MR1: variants seen among roughly 807,000 people sequenced by gnomAD.
MR1 encodes the protein major histocompatibility complex class I-related protein 1.
Under a neutral mutation model 37.8 loss-of-function variants are expected in MR1, and 44 were observed. That is an observed-to-expected ratio of 1.16 (90% CI 0.91 to 1.50). The LOEUF (loss-of-function observed/expected upper bound fraction) is 1.50, where lower values mean the gene tolerates loss of function less well. Ranked by LOEUF, MR1 falls within the 40% of genes most tolerant of loss-of-function variation. MR1 has a pLI of 0.00. For synonymous variants in MR1, 153 were observed against 155.8 expected, an observed-to-expected ratio of 0.98 and a Z score of 0.13; for missense variants, 386 against 419.1, an observed-to-expected ratio of 0.92 and a Z score of 0.69.
In MR1 at chr1:181,052,250, G is replaced by A. The variant is rs779470788; in HGVS notation, c.620G>A (p.Arg207Lys). The A allele has an allele frequency of 1.2e-6, 2 of 1,614,160 alleles. No homozygotes were observed. Among genetic ancestry groups the A allele is most frequent in the Admixed American group, 3.3e-5 (2 of 60,026 alleles). Residue 207 changes from arginine (R) to lysine (K), a missense_variant, in exon 4 of 6, where the codon AGA (arginine) becomes AAA (lysine). Arg to Lys is a conservative substitution (Grantham distance 26). Coordinates refer to ENST00000367580, the MANE Select transcript of MR1 (RefSeq NM_001385161.1). ...TLQRTEPPLVRVNRKETFPGV... is the reference protein window; with the variant it reads ...TLQRTEPPLVKVNRKETFPGV... ...TTCTTCCTAGAGCCCCCACTGGTCA[G>A]AGTAAATCGCAAAGAAACTTTTCCA...
intron 1 of MR1, among the ~76,000 whole-genome samples, chr1:181,041,959 G>T (rs1657576406): frequency 6.6e-6 from 1 of 152,194 alleles, no homozygotes; most frequent in Admixed American, 6.5e-5. Context: ...TGGCACAGAA[G>T]AAGCATTGGA....
At chr1:181,049,491 C>G (rs1658161534) in intron 2 of MR1, 179 bp downstream of exon 2, 8 of 701,616 alleles carry the variant, frequency 1.1e-5, no homozygotes, top group Middle Eastern at 4.0e-4. Context: ...TGGACTGTCC[C>G]TCTCTCCCCC....
intron 1 of MR1, among the ~76,000 whole-genome samples, chr1:181,041,119 A>G (rs993899688): frequency 1.4e-5 from 2 of 142,922 alleles, no homozygotes; most frequent in Non-Finnish European, 3.0e-5. Flanking sequence ...AAATAAATAA[A>G]TAAAGCACAA....
intron 1 of MR1, among the ~76,000 whole-genome samples, chr1:181,040,172 T>G (rs1015153989): frequency 6.6e-6 from 1 of 152,172 alleles, no homozygotes; most frequent in Non-Finnish European, 1.5e-5. Context: ...AATTCTAAAT[T>G]GTATATTTCA....
At chr1:181,037,070 A>T (rs1230694977) in intron 1 of MR1, 1 of 152,230 alleles carries the variant, frequency 6.6e-6, no homozygotes, top group Non-Finnish European at 1.5e-5. Flanking sequence ...TTTCTCATGC[A>T]TTGCCATATG....
chr1:181,055,364 C>A lies in MR1; in HGVS notation c.*99C>A. ...TAGTGCTTGAAGGTCCTGACGACAC[C>A]CACAACATACATGAGAGTAATGGGA... On this transcript the variant is annotated 3_prime_UTR_variant, in exon 6 of 6. Coordinates refer to ENST00000367580, the MANE Select transcript of MR1 (RefSeq NM_001385161.1). The A allele has an allele frequency of 9.7e-7, 1 of 1,034,088 alleles. No individual in the cohort carries two copies. The highest frequency in any genetic ancestry group is 1.6e-5 in the African/African-American group (1 of 62,432). The allele number at this position is 1,034,088 out of a possible 1,614,324, so 64.1% of individuals were successfully genotyped here. A position where few individuals can be genotyped will look rare whatever the true frequency, so the allele number is the denominator to read the frequency against.
chr1:181,048,328 G>A (rs556743541), intron 1 of MR1, among the ~76,000 whole-genome samples: 2 of 152,224 alleles, frequency 1.3e-5, no homozygotes, highest in Admixed American at 1.3e-4. Context: ...GAGGTCAGGA[G>A]TTTGAGACCA....
intron 2 of MR1, 34 bp downstream of exon 2, chr1:181,049,346 T>A: frequency 6.3e-7 from 1 of 1,591,660 alleles, no homozygotes; most frequent in Non-Finnish European, 8.6e-7. Flanking sequence ...GCTTCCCCCA[T>A]CCCACCCCAA....
At chr1:181,045,708 C>T (rs930729915) in intron 1 of MR1, among the ~76,000 whole-genome samples, 4 of 152,220 alleles carry the variant, frequency 2.6e-5, no homozygotes, top group Admixed American at 6.5e-5. Context: ...TTGGCGCCTC[C>T]GCTGCCTGGG....
At chr1:181,044,166 T>C (rs886941241) in intron 1 of MR1, among the ~76,000 whole-genome samples, 1 of 152,108 alleles carries the variant, frequency 6.6e-6, no homozygotes, top group Non-Finnish European at 1.5e-5. Flanking sequence ...GGTTTCACCA[T>C]GTTAGCCAGG....
intron 1 of MR1, among the ~76,000 whole-genome samples, chr1:181,046,067 C>T (rs1001490038): frequency 8.5e-5 from 13 of 152,228 alleles, no homozygotes; most frequent in Non-Finnish European, 1.3e-4. Context: ...TGCCTTCCTG[C>T]GGGGCAGGGC....
At position 181,060,825 on chromosome 1, in the gene MR1, A is replaced by C. The variant is rs1658865635; in HGVS notation, c.*5560A>C. ...ATGCCTGCCTGGCTGGTTCTCAGTA[A>C]GAAGGTCAAGTTCAACCAGAGGGGA... On this transcript the variant is annotated 3_prime_UTR_variant, in exon 6 of 6. Coordinates refer to ENST00000367580, the MANE Select transcript of MR1 (RefSeq NM_001385161.1). 6.6e-6 allele frequency: 1 copy of C among 152,254 alleles called. No individual in the cohort carries two copies. The highest frequency in any genetic ancestry group is 2.1e-4 in the South Asian group (1 of 4,828). 9.4% of individuals were successfully genotyped at this position (152,254 alleles called of 1,614,324 possible).
chr1:181,061,707 G>A lies in MR1; in HGVS notation c.*6442G>A, dbSNP rs1658908286. The A allele has an allele frequency of 6.6e-6, 1 of 152,236 alleles. No individual in the cohort carries two copies. The highest frequency in any genetic ancestry group is 1.5e-5 in the Non-Finnish European group (1 of 68,052). 9.4% of individuals were successfully genotyped at this position (152,236 alleles called of 1,614,324 possible). ...ATGCCTTGTACGTAGTAGCAACTCA[G>A]TAAATACTTTTTGAATGAACTAGTA... is the stretch of plus-strand genomic sequence containing the variant. On this transcript the variant is annotated 3_prime_UTR_variant, in exon 6 of 6. Transcript: ENST00000367580.
At chr1:181,054,256 A>G (rs1428050973) in intron 5 of MR1, among the ~76,000 whole-genome samples, 1 of 152,236 alleles carries the variant, frequency 6.6e-6, no homozygotes. Flanking sequence ...GTAAGTATAC[A>G]TTAATGACCT....
chr1:181,052,703 G>A (rs999536775), intron 4 of MR1, among the ~76,000 whole-genome samples, 193 bp downstream of exon 4: 1 of 152,056 alleles, frequency 6.6e-6, no homozygotes, highest in Non-Finnish European at 1.5e-5. Flanking sequence ...AATTATTGAG[G>A]ACCCCAGAGA....
chr1:181,033,491 G>GGAGGACAGCT (rs1657115861), upstream of MR1: 1 of 152,462 alleles, frequency 6.6e-6, no homozygotes, highest in Non-Finnish European at 1.5e-5. Flanking sequence ...TATTGTGCTG[G>GGAGGACAGCT]GTGCTAGAGT....
Position 181,059,619 on chromosome 1 carries a change from G to A in MR1, c.*4354G>A, listed in dbSNP as rs1229554408. The A allele has an allele frequency of 6.5e-6, 1 of 153,348 alleles. No individual in the cohort carries two copies. The highest frequency in any genetic ancestry group is 1.9e-4 in the East Asian group (1 of 5,236). The allele number at this position is 153,348 out of a possible 1,614,324, so 9.5% of individuals were successfully genotyped here. ...CCATGTAATCTCTCTGTGTGGGTTG[G>A]GCTTCCTCACAACATGGTGGCCTCA... On this transcript the variant is annotated 3_prime_UTR_variant, in exon 6 of 6. Coordinates refer to ENST00000367580, the MANE Select transcript of MR1 (RefSeq NM_001385161.1).
In MR1 at chr1:181,056,425, A is replaced by G. The variant is rs1571405357; in HGVS notation, c.*1160A>G. The G allele has an allele frequency of 6.6e-6, 1 of 151,824 alleles. No homozygotes were observed. Among genetic ancestry groups the G allele is most frequent in the African/African-American group, 2.4e-5 (1 of 41,362 alleles). The allele number at this position is 151,824 out of a possible 1,614,324, so 9.4% of individuals were successfully genotyped here. ...TAATAACAGTATATTTGGTGTCAGG[A>G]GAGGGCTCAATTCTCATTTCTGCCT... On this transcript the variant is annotated 3_prime_UTR_variant, in exon 6 of 6. Coordinates refer to ENST00000367580, the MANE Select transcript of MR1 (RefSeq NM_001385161.1).
rs1658544457 is a variant in MR1 at position 181,055,159 on chromosome 1, C to T, written c.986-66C>T. 4 of 1,485,610 alleles carry T rather than the reference C, an allele frequency of 2.7e-6. No homozygotes were observed. The South Asian group carries it at 3.4e-5, about 13-fold the overall frequency. 92.0% of individuals were successfully genotyped at this position (1,485,610 alleles called of 1,614,324 possible). A position where few individuals can be genotyped will look rare whatever the true frequency, so the allele number is the denominator to read the frequency against. On this transcript the variant is annotated intron_variant, in intron 5 of 5. Coordinates refer to ENST00000367580, the MANE Select transcript of MR1 (RefSeq NM_001385161.1). The stretch of plus-strand genomic sequence containing the variant: ...GTTTCTCAGATTTTGCTGAACACTG[C>T]ATACTTTATTTTTGAGCTGTGAGGA...
Sources: gnomAD v4.1 joint callset for allele counts (sites outside exome capture counted in the v4.1 genomes callset) on GRCh38, gnomAD v4.1.1 for gene constraint, MANE v1.5 for transcripts, NCBI Gene and HGNC (gene_info 2026-07-23, HGNC 2026-07-21) for gene names.